Variants in FREM3 observed in about 807,000 individuals in gnomAD.
FREM3 encodes the protein FRAS1-related extracellular matrix protein 3.
FREM3 carries 105 observed loss-of-function variants against 129.1 expected under a neutral mutation model. The ratio of observed to expected loss-of-function variants is 0.81; its 90% CI spans 0.69 to 0.96. The LOEUF (loss-of-function observed/expected upper bound fraction) is 0.96, where lower values mean the gene tolerates loss of function less well. FREM3 is among the 40% of genes least tolerant of loss of function. The probability of loss-of-function intolerance (pLI) is 0.00; values close to 1 mark genes in which losing one functional copy is unlikely to be tolerated. For synonymous variants in FREM3, 1,014 were observed against 1,044.9 expected (o/e 0.97, Z 0.57); for missense variants, 2,593 against 2,666.3 (o/e 0.97, Z 0.61).
chr4:143,692,700 G>T (rs1458542376), intron 2 of FREM3, among the ~76,000 whole-genome samples: 3 of 152,106 alleles, frequency 2.0e-5, no homozygotes, highest in African/African-American at 7.2e-5. Flanking sequence ...TAAGATCAGG[G>T]AGCCATAAGA....
chr4:143,641,375 GT>G (rs1739318878), intron 2 of FREM3, among the ~76,000 whole-genome samples: 1 of 152,160 alleles, frequency 6.6e-6, no homozygotes, highest in African/African-American at 2.4e-5. Context: ...CACAGCCCAG[GT>G]TTTAGAACCA....
Position 143,696,112 on chromosome 4 carries a change from C to T in FREM3, c.4564G>A (p.Val1522Met). 6.5e-7 allele frequency: 1 copy of T among 1,537,486 alleles called. No individual in the cohort carries two copies. The highest frequency in any genetic ancestry group is 8.7e-7 in the Non-Finnish European group (1 of 1,146,968). Reference protein sequence around the residue: ...EFQVIGELYPVFRTFRIFITD... With the variant: ...EFQVIGELYPMFRTFRIFITD... The stretch of plus-strand genomic sequence containing the variant: ...ATGAAGATCCTGAAGGTTCTGAACA[C>T]AGGGTAGAGTTCGCCGATCACTTGA... Residue 1522 changes from valine (V) to methionine (M), a missense_variant, in exon 1 of 8, where the codon GTG becomes ATG. Val to Met is a conservative substitution (Grantham distance 21). Around this residue, in one of 2 missense-constraint regions of FREM3, gnomAD observed 2,276 missense variants for 2,267.2 expected, o/e 1.00. Coordinates refer to ENST00000329798, the MANE Select transcript of FREM3 (RefSeq NM_001168235.2).
At chr4:143,688,029 G>A (rs117183573) in intron 2 of FREM3, among the ~76,000 whole-genome samples, 10,978 of 152,066 alleles carry the variant, frequency 0.072, 1,062 homozygotes, top group African/African-American at 0.21. Context: ...CAGAAAAGAG[G>A]AAGAAATAAA....
intron 2 of FREM3, among the ~76,000 whole-genome samples, chr4:143,678,741 A>G (rs141169556): frequency 6.9e-4 from 105 of 152,206 alleles, no homozygotes; most frequent in African/African-American, 2.3e-3. Flanking sequence ...AAAGAGAAAA[A>G]TGCCTTTTAT....
At position 143,577,808 on chromosome 4, in the gene FREM3, G is replaced by C; in HGVS notation, c.6223C>G (p.Pro2075Ala). 2.6e-6 allele frequency: 4 copies of C among 1,537,262 alleles called. No individual in the cohort carries two copies. The highest frequency in any genetic ancestry group is 3.5e-6 in the Non-Finnish European group (4 of 1,146,908). ...VGISRNLDFA[P>A]GVRMQTFQVT... Reference sequence around the variant, plus strand: ...TGGAATGTCTGCATGCGCACGCCTGGAGCAAAGTCCAGGTTTCGGCTGATA... The same window carrying C: ...TGGAATGTCTGCATGCGCACGCCTGCAGCAAAGTCCAGGTTTCGGCTGATA... The change falls in exon 8 of 8, where the codon CCA becomes GCA. Residue 2075 changes from proline (P) to alanine (A), a missense_variant. Physicochemically the swap from Pro to Ala is conservative, Grantham distance 27. This residue lies in a region of FREM3 where 317 missense variants were observed against 399.0 expected (regional missense o/e 0.79). Coordinates refer to ENST00000329798, the MANE Select transcript of FREM3 (RefSeq NM_001168235.2).
At chr4:143,672,979 A>G (rs1305878901) in intron 2 of FREM3, among the ~76,000 whole-genome samples, 1 of 152,144 alleles carries the variant, frequency 6.6e-6, no homozygotes, top group Non-Finnish European at 1.5e-5. Flanking sequence ...TGGTTATTCT[A>G]GTTAGCCATT....
chr4:143,579,017 G>T (rs1560831591), intron 7 of FREM3, among the ~76,000 whole-genome samples: 1 of 149,742 alleles, frequency 6.7e-6, no homozygotes. Context: ...GAATTACATT[G>T]TAAGTTTTTG....
intron 6 of FREM3, among the ~76,000 whole-genome samples, chr4:143,591,271 C>A (rs573165087): frequency 3.9e-5 from 6 of 152,148 alleles, no homozygotes; most frequent in African/African-American, 1.4e-4. Context: ...TTATTTCTTG[C>A]CTTCTGCTAG....
At chr4:143,596,704 G>A (rs1159054311) in intron 6 of FREM3, among the ~76,000 whole-genome samples, 2 of 152,124 alleles carry the variant, frequency 1.3e-5, no homozygotes, top group Non-Finnish European at 2.9e-5. Flanking sequence ...GGAGGCCGAG[G>A]AGAGGGGATC....
chr4:143,663,139 G>A (rs1201891634), intron 2 of FREM3, among the ~76,000 whole-genome samples: 3 of 152,070 alleles, frequency 2.0e-5, no homozygotes, highest in Non-Finnish European at 4.4e-5. Flanking sequence ...ATGTTAGCTG[G>A]TTATTTTGCT....
chr4:143,663,252 T>G (rs1007753695), intron 2 of FREM3, among the ~76,000 whole-genome samples: 10 of 152,146 alleles, frequency 6.6e-5, no homozygotes, highest in Non-Finnish European at 1.5e-4. Flanking sequence ...TAGTGCTTCC[T>G]TCAGGAGCTC....
rs57254970 is a variant in FREM3, at chr4:143,665,526, C to A, written c.5275+27587G>T. ...ATACTGTTAGGCCATTTCTGAAATT[C>A]AGCCCAAGTTCTAGCTAGGTGTTTC... On this transcript the variant is annotated intron_variant, in intron 2 of 7. Coordinates refer to ENST00000329798, the MANE Select transcript of FREM3 (RefSeq NM_001168235.2). 1.4e-4 allele frequency among the ~76,000 whole-genome samples: 21 copies of A among 152,170 alleles called. No homozygotes were observed. The East Asian group carries it at 3.7e-3, about 27-fold the overall frequency.
chr4:143,588,867 A>G (rs1248878219), intron 6 of FREM3, among the ~76,000 whole-genome samples: 2 of 150,300 alleles, frequency 1.3e-5, no homozygotes, highest in Non-Finnish European at 3.0e-5. Flanking sequence ...CCAACAGGGT[A>G]AAAGTGTTCC....
At chr4:143,671,855 T>C (rs1369863558) in intron 2 of FREM3, among the ~76,000 whole-genome samples, 1 of 152,218 alleles carries the variant, frequency 6.6e-6, no homozygotes, top group Non-Finnish European at 1.5e-5. Flanking sequence ...CAAGTCTACA[T>C]CACACGAAAT....
chr4:143,579,062 CAA>C (rs150448106), intron 7 of FREM3, among the ~76,000 whole-genome samples: 9 of 96,928 alleles, frequency 9.3e-5, no homozygotes, highest in East Asian at 3.0e-4. Context: ...CAAGAGTTGA[CAA>C]AAAAAAAAAA....
intron 2 of FREM3, among the ~76,000 whole-genome samples, chr4:143,681,391 T>C (rs1740247106): frequency 6.6e-6 from 1 of 152,122 alleles, no homozygotes; most frequent in South Asian, 2.1e-4. Flanking sequence ...AAATTTTCAA[T>C]ATAAATCTAT....
At chr4:143,637,047 C>T (rs183633941) in intron 2 of FREM3, among the ~76,000 whole-genome samples, 1 of 152,114 alleles carries the variant, frequency 6.6e-6, no homozygotes, top group South Asian at 2.1e-4. Context: ...ACAGCTCACA[C>T]CATAATGTAG....
chr4:143,631,294 A>G (rs1739136058), intron 2 of FREM3, among the ~76,000 whole-genome samples: 1 of 152,144 alleles, frequency 6.6e-6, no homozygotes, highest in Non-Finnish European at 1.5e-5. Context: ...TACTACAGGA[A>G]TAAACATCCA....
rs1738229547 is a variant in FREM3 at position 143,585,722 on chromosome 4, A to G, written c.6178+122T>C. 1 of 963,266 alleles carries G rather than the reference A, an allele frequency of 1.0e-6. No homozygotes were observed. The highest frequency in any genetic ancestry group is 1.5e-6 in the Non-Finnish European group (1 of 668,268). 59.7% of individuals were successfully genotyped at this position (963,266 alleles called of 1,614,324 possible). Reference sequence around the variant, plus strand: ...TGTATACAAACCATCTACGTGCTGAAGCCAGAGAAACTTTCATTCAGAGTC... The same window carrying G: ...TGTATACAAACCATCTACGTGCTGAGGCCAGAGAAACTTTCATTCAGAGTC... On this transcript the variant is annotated intron_variant, in intron 7 of 7. Transcript: ENST00000329798. The surrounding 1 kb of genome is among the most constrained non-coding windows in gnomAD (Gnocchi z 4.2).
Sources: allele counts gnomAD v4.1 joint callset (sites outside exome capture counted in the v4.1 genomes callset), GRCh38; gene constraint gnomAD v4.1.1; regional missense constraint gnomAD v4.1.1; non-coding constraint Gnocchi (gnomAD v3.1); transcripts MANE v1.5; gene names NCBI Gene and HGNC (gene_info 2026-07-23, HGNC 2026-07-21).